The following JARID2 variants were observed in gnomAD, a reference collection of about 807,000 sequenced individuals.
JARID2 encodes jumonji and AT-rich interaction domain containing 2.
Under a neutral mutation model 125.6 loss-of-function variants are expected in JARID2, and 21 were observed. That is an observed-to-expected ratio of 0.17 (90% CI 0.12 to 0.24). The LOEUF (loss-of-function observed/expected upper bound fraction) is 0.24. Among genes scored for constraint, JARID2 ranks in the 10% least tolerant of loss-of-function variants. The pLI is 1.00. For missense variants in JARID2, 1,303 were observed against 1,639.6 expected (o/e 0.79, Z 3.55); for synonymous variants, 736 against 661.6 (o/e 1.11, Z -1.73).
chr6:15,306,854 A>C (rs895875471), intron 1 of JARID2, among the ~76,000 whole-genome samples: 1 of 149,674 alleles, frequency 6.7e-6, no homozygotes, highest in Admixed American at 6.7e-5. Context: ...GACCTTACCC[A>C]TTGTACTTTG....
intron 1 of JARID2, among the ~76,000 whole-genome samples, chr6:15,323,841 G>T (rs973982342): frequency 1.3e-5 from 2 of 151,744 alleles, no homozygotes; most frequent in African/African-American, 2.4e-5. Context: ...GCAGTGAGCT[G>T]ATCGCGCCAC....
At chr6:15,445,296 GT>G (rs1354294996) in intron 3 of JARID2, among the ~76,000 whole-genome samples, 3 of 152,102 alleles carry the variant, frequency 2.0e-5, no homozygotes, top group Non-Finnish European at 4.4e-5. Flanking sequence ...CATCCCTGGG[GT>G]TTCTTTACAA....
chr6:15,275,954 T>G lies in JARID2; in HGVS notation c.45+29370T>G, dbSNP rs1165521351. On this transcript the variant is annotated intron_variant, in intron 1 of 17. Coordinates refer to ENST00000341776, the MANE Select transcript of JARID2 (RefSeq NM_004973.4). Reference sequence around the variant, plus strand: ...GGGGGAAAAAAGTTAACAATTGCTATGGTGTGGCTGTTGTCCAGTGCTTCT... The same window carrying G: ...GGGGGAAAAAAGTTAACAATTGCTAGGGTGTGGCTGTTGTCCAGTGCTTCT... Among the ~76,000 whole-genome samples, 3 of 152,304 alleles carry G rather than the reference T, an allele frequency of 2.0e-5. No individual in the cohort carries two copies. The East Asian group carries it at 5.8e-4, about 29-fold the overall frequency.
chr6:15,516,221 C>T (rs923580725), intron 16 of JARID2, among the ~76,000 whole-genome samples: 1 of 152,200 alleles, frequency 6.6e-6, no homozygotes, highest in African/African-American at 2.4e-5. Context: ...CTTAGAAACA[C>T]CGCAGACGAA....
At chr6:15,348,011 G>T (rs1240922645) in intron 1 of JARID2, among the ~76,000 whole-genome samples, 2 of 152,108 alleles carry the variant, frequency 1.3e-5, no homozygotes, top group Admixed American at 6.5e-5. Context: ...CAAAGTGCTG[G>T]GTTACAGGTG....
At chr6:15,517,846 C>T (rs1440777068) in intron 17 of JARID2, among the ~76,000 whole-genome samples, 2 of 152,242 alleles carry the variant, frequency 1.3e-5, no homozygotes, top group Admixed American at 6.5e-5. Flanking sequence ...GCTCTGCCCG[C>T]CTTCCCCACG....
intron 1 of JARID2, among the ~76,000 whole-genome samples, chr6:15,284,046 G>T (rs1760898484): frequency 6.6e-6 from 1 of 152,120 alleles, no homozygotes. Flanking sequence ...TTTCATAGAA[G>T]TTTTAAATTT....
At chr6:15,397,080 C>T (rs1379103388) in intron 2 of JARID2, among the ~76,000 whole-genome samples, 1 of 152,154 alleles carries the variant, frequency 6.6e-6, no homozygotes, top group Non-Finnish European at 1.5e-5. Flanking sequence ...GTGTGTGTAC[C>T]TAATTCTGGT....
At chr6:15,390,449 G>C (rs1015034866) in intron 2 of JARID2, among the ~76,000 whole-genome samples, 2 of 152,178 alleles carry the variant, frequency 1.3e-5, no homozygotes, top group African/African-American at 4.8e-5. Flanking sequence ...GGTGCTTCTA[G>C]CCTTCTGGGG....
intron 1 of JARID2, among the ~76,000 whole-genome samples, chr6:15,296,965 CTG>C (rs1475091035): frequency 6.6e-6 from 1 of 152,226 alleles, no homozygotes; most frequent in African/African-American, 2.4e-5. Context: ...CATCCTGTGA[CTG>C]TCTCCATCCT....
chr6:15,356,497 A>G (rs1484847095), intron 1 of JARID2, among the ~76,000 whole-genome samples: 6 of 152,078 alleles, frequency 3.9e-5, no homozygotes, highest in African/African-American at 7.2e-5. Flanking sequence ...AAGTACATAT[A>G]TTTTAACTTC....
chr6:15,246,693 A>T lies in JARID2; in HGVS notation c.45+109A>T, dbSNP rs541217707. On this transcript the variant is annotated intron_variant, in intron 1 of 17. Transcript: ENST00000341776. Reference sequence around the variant, plus strand: ...TGAAGGGTTTTAAACACAGCGTCCGATAAGGCTGTTTCTTTTTTTTCTGAA... The same window carrying T: ...TGAAGGGTTTTAAACACAGCGTCCGTTAAGGCTGTTTCTTTTTTTTCTGAA... 4.1e-6 allele frequency: 4 copies of T among 968,930 alleles called. No individual in the cohort carries two copies. In the South Asian group the frequency reaches 5.7e-5, roughly 14 times the overall value. 60.0% of individuals were successfully genotyped at this position (968,930 alleles called of 1,614,324 possible). A position where few individuals can be genotyped will look rare whatever the true frequency, so the allele number is the denominator to read the frequency against.
intron 1 of JARID2, among the ~76,000 whole-genome samples, chr6:15,255,085 CT>C (rs1164796469): frequency 1.3e-5 from 2 of 151,100 alleles, no homozygotes; most frequent in African/African-American, 4.8e-5. Context: ...AGTTTTGCCC[CT>C]CCATACTCCC....
intron 1 of JARID2, among the ~76,000 whole-genome samples, chr6:15,290,590 T>C (rs1761168256): frequency 1.3e-5 from 2 of 152,130 alleles, no homozygotes; most frequent in African/African-American, 4.8e-5. Context: ...ATCAATCTCA[T>C]GTGATGAAGG....
intron 9 of JARID2, 43 bp from the exon 10 acceptor site, chr6:15,507,093 A>C: frequency 7.8e-7 from 1 of 1,276,118 alleles, no homozygotes; most frequent in Admixed American, 1.7e-5. Flanking sequence ...CTGTGGCTGC[A>C]GCACCTTAGG....
At chr6:15,258,516 G>A (rs369429538) in intron 1 of JARID2, among the ~76,000 whole-genome samples, 2 of 152,228 alleles carry the variant, frequency 1.3e-5, no homozygotes, top group African/African-American at 4.8e-5. Flanking sequence ...GGACGTGGTG[G>A]CTCACACCTG....
At chr6:15,508,683 G>A (rs1771124197) in intron 12 of JARID2, among the ~76,000 whole-genome samples, 1 of 152,212 alleles carries the variant, frequency 6.6e-6, no homozygotes, top group Non-Finnish European at 1.5e-5. Flanking sequence ...CTGATGATGA[G>A]CAAATCTTTT....
intron 1 of JARID2, among the ~76,000 whole-genome samples, chr6:15,297,237 A>G (rs543217929): frequency 1.3e-5 from 2 of 151,996 alleles, no homozygotes; most frequent in Non-Finnish European, 2.9e-5. Flanking sequence ...TGCAACTACC[A>G]CCTCCTGGGT....
intron 1 of JARID2, among the ~76,000 whole-genome samples, chr6:15,310,407 C>G (rs1761974371): frequency 6.6e-6 from 1 of 152,174 alleles, no homozygotes; most frequent in South Asian, 2.1e-4. Flanking sequence ...AGCATTAATA[C>G]ATCACCCTCT....
Sources: allele counts gnomAD v4.1 joint callset (sites outside exome capture counted in the v4.1 genomes callset), GRCh38; gene constraint gnomAD v4.1.1; transcripts MANE v1.5; gene names NCBI Gene and HGNC (gene_info 2026-07-23, HGNC 2026-07-21).